UBE2R2: variants seen among roughly 807,000 people sequenced by gnomAD.
The protein encoded by UBE2R2 is ubiquitin-conjugating enzyme E2 R2.
In UBE2R2, 1 loss-of-function variant was observed where a neutral mutation model predicts 27.8. The observed-to-expected ratio is 0.04, with a 90% CI of 0.01 to 0.17. The LOEUF is 0.17. UBE2R2 is among the 10% of genes least tolerant of loss of function. The pLI, the probability that UBE2R2 is intolerant of heterozygous loss-of-function variation, is 1.00. For missense variants in UBE2R2, 100 were observed against 291.0 expected, an observed-to-expected ratio of 0.34 and a Z score of 4.78; for synonymous variants, 106 against 113.3, an observed-to-expected ratio of 0.94 and a Z score of 0.41.
At chr9:33,833,345 G>A (rs1360747067) in intron 1 of UBE2R2, among the ~76,000 whole-genome samples, 3 of 151,898 alleles carry the variant, frequency 2.0e-5, no homozygotes, top group African/African-American at 4.8e-5. Context: ...CATTACAGGC[G>A]TGAGCCACCG....
intron 1 of UBE2R2, among the ~76,000 whole-genome samples, chr9:33,838,987 C>A (rs553419848): frequency 6.0e-5 from 9 of 150,726 alleles, no homozygotes; most frequent in African/African-American, 2.0e-4. Context: ...GAGGATAAGG[C>A]AGGAGAATTG....
At chr9:33,898,301 T>TA (rs1419822132) in intron 2 of UBE2R2, among the ~76,000 whole-genome samples, 1 of 151,826 alleles carries the variant, frequency 6.6e-6, no homozygotes, top group African/African-American at 2.4e-5. Context: ...AGGCTGGTCT[T>TA]AAACTCTTGA....
intron 1 of UBE2R2, among the ~76,000 whole-genome samples, chr9:33,836,873 G>C (rs60060941): frequency 1.3e-5 from 2 of 151,906 alleles, no homozygotes; most frequent in African/African-American, 4.8e-5. Flanking sequence ...TAGAATTCTA[G>C]ATTGGAAATC....
intron 1 of UBE2R2, among the ~76,000 whole-genome samples, chr9:33,837,477 G>C (rs1186863635): frequency 6.7e-6 from 1 of 149,590 alleles, no homozygotes; most frequent in Non-Finnish European, 1.5e-5. Context: ...CTAAGCTGGA[G>C]TGCAGTGGTG....
chr9:33,897,097 C>T (rs1184818076), intron 2 of UBE2R2, among the ~76,000 whole-genome samples: 9 of 116,738 alleles, frequency 7.7e-5, no homozygotes, highest in African/African-American at 2.0e-4. Flanking sequence ...AGTGCAGTGG[C>T]GCGATCTCAG....
intron 3 of UBE2R2, among the ~76,000 whole-genome samples, chr9:33,901,417 AC>A: frequency 6.6e-6 from 1 of 152,192 alleles, no homozygotes; most frequent in East Asian, 1.9e-4. Context: ...TCTTTCCTGA[AC>A]TTTTCATTCT....
intron 1 of UBE2R2, among the ~76,000 whole-genome samples, chr9:33,852,108 G>A (rs1190970237): frequency 2.0e-5 from 3 of 152,038 alleles, no homozygotes; most frequent in Non-Finnish European, 2.9e-5. Context: ...CCAGGAGTTC[G>A]ACATCAGCCT....
intron 1 of UBE2R2, among the ~76,000 whole-genome samples, chr9:33,839,081 CA>C (rs71943200): frequency 0.31 from 40,001 of 128,086 alleles, 5,705 homozygotes; most frequent in South Asian, 0.42. Flanking sequence ...GGCACTGTCT[CA>C]AAAAAAAAAA....
intron 3 of UBE2R2, among the ~76,000 whole-genome samples, chr9:33,901,231 C>G (rs1345193901): frequency 6.6e-6 from 1 of 152,078 alleles, no homozygotes. Context: ...TATGTGTTTT[C>G]TCATGATTAG....
chr9:33,873,280 C>T (rs960627112), intron 1 of UBE2R2, among the ~76,000 whole-genome samples: 37 of 149,334 alleles, frequency 2.5e-4, no homozygotes, highest in African/African-American at 8.6e-4. Context: ...TAATTTTGTG[C>T]TGCTGTTTTT....
intron 1 of UBE2R2, among the ~76,000 whole-genome samples, chr9:33,822,447 G>C (rs558965526): frequency 7.7e-6 from 1 of 129,998 alleles, no homozygotes; most frequent in East Asian, 2.4e-4. Context: ...TTTTTTAAGA[G>C]ATAGGGTCTC....
intron 3 of UBE2R2, among the ~76,000 whole-genome samples, chr9:33,900,713 A>T (rs993615076): frequency 6.6e-6 from 1 of 152,110 alleles, no homozygotes; most frequent in Non-Finnish European, 1.5e-5. Context: ...ATATATCTAT[A>T]TATGTACGTG....
chr9:33,817,746 GC>G lies in UBE2R2; in HGVS notation c.-10del. The G allele has an allele frequency of 6.7e-7, 1 of 1,498,400 alleles. No homozygotes were observed. Among genetic ancestry groups the G allele is most frequent in the Admixed American group, 2.2e-5 (1 of 45,366 alleles). 92.8% of individuals were successfully genotyped at this position (1,498,400 alleles called of 1,614,324 possible). Reference sequence around the variant, plus strand: ...GCCCGGGCCCGGCGCCGCCGCCGCCGCCGCCGCCGCGATGGCCCAGCAGCAG... The same window carrying G: ...GCCCGGGCCCGGCGCCGCCGCCGCCGCGCCGCCGCGATGGCCCAGCAGCAG... On this transcript the variant is annotated 5_prime_UTR_variant, in exon 1 of 5. Coordinates refer to ENST00000263228, the MANE Select transcript of UBE2R2 (RefSeq NM_017811.4).
At chr9:33,857,505 G>A (rs1821134918) in intron 1 of UBE2R2, among the ~76,000 whole-genome samples, 1 of 151,390 alleles carries the variant, frequency 6.6e-6, no homozygotes, top group Non-Finnish European at 1.5e-5. Context: ...TTTAGTTGAT[G>A]GGGTTTCACC....
intron 1 of UBE2R2, among the ~76,000 whole-genome samples, chr9:33,875,175 A>G (rs1323251283): frequency 2.6e-5 from 4 of 152,018 alleles, no homozygotes; most frequent in African/African-American, 9.7e-5. Context: ...ACTAAATAAC[A>G]TGTATTTTTG....
At chr9:33,859,517 G>A (rs185521196) in intron 1 of UBE2R2, among the ~76,000 whole-genome samples, 9 of 152,190 alleles carry the variant, frequency 5.9e-5, no homozygotes, top group Admixed American at 3.3e-4. Flanking sequence ...CTTAAGACTG[G>A]GATGGACTCT....
intron 1 of UBE2R2, among the ~76,000 whole-genome samples, chr9:33,867,537 A>G (rs556758523): frequency 1.6e-4 from 24 of 152,266 alleles, no homozygotes; most frequent in African/African-American, 5.5e-4. Flanking sequence ...TATAAGCGCT[A>G]TATGAGAGTT....
intron 3 of UBE2R2, among the ~76,000 whole-genome samples, chr9:33,906,277 C>T (rs183997483): frequency 1.3e-5 from 2 of 152,300 alleles, no homozygotes; most frequent in African/African-American, 4.8e-5. Flanking sequence ...CATGCACCAC[C>T]ATGCCCAGCT....
chr9:33,871,401 G>T (rs1272959271), intron 1 of UBE2R2, among the ~76,000 whole-genome samples: 1 of 152,108 alleles, frequency 6.6e-6, no homozygotes, highest in Non-Finnish European at 1.5e-5. Context: ...TTCATTGAGG[G>T]TACACTTAGT....
Sources: allele counts gnomAD v4.1 joint callset (sites outside exome capture counted in the v4.1 genomes callset), GRCh38; gene constraint gnomAD v4.1.1; transcripts MANE v1.5; gene names NCBI Gene and HGNC (gene_info 2026-07-23, HGNC 2026-07-21).